PCSK2: variants seen among roughly 807,000 people sequenced by gnomAD.
The protein encoded by PCSK2 is proprotein convertase subtilisin/kexin type 2, also known as neuroendocrine convertase 2.
A neutral mutation model predicts 69.7 loss-of-function variants in PCSK2; 14 were observed. The ratio of observed to expected loss-of-function variants is 0.20; its 90% CI spans 0.13 to 0.31. PCSK2 has a LOEUF of 0.31. Ranked by LOEUF, PCSK2 falls within the 10% of genes least tolerant of loss-of-function variation. The probability of loss-of-function intolerance (pLI) is 1.00; values close to 1 mark genes in which losing one functional copy is unlikely to be tolerated. For missense variants in PCSK2, 544 were observed against 842.5 expected (o/e 0.65, Z 4.39); for synonymous variants, 307 against 320.7 (o/e 0.96, Z 0.46).
intron 3 of PCSK2, 41 bp from the exon 4 acceptor site, chr20:17,360,491 C>G: frequency 3.9e-6 from 5 of 1,285,060 alleles, no homozygotes; most frequent in Non-Finnish European, 5.6e-6. Context: ...CTTTACAACA[C>G]CAAACTAATA....
intron 6 of PCSK2, among the ~76,000 whole-genome samples, chr20:17,422,606 A>G (rs1288619214): frequency 6.6e-6 from 1 of 152,034 alleles, no homozygotes; most frequent in East Asian, 1.9e-4. Flanking sequence ...AGAAGAAGAC[A>G]AGTAAGGAGG....
intron 6 of PCSK2, among the ~76,000 whole-genome samples, chr20:17,415,428 C>T (rs1388772520): frequency 6.6e-6 from 1 of 152,192 alleles, no homozygotes; most frequent in African/African-American, 2.4e-5. Context: ...AGTGAACTCC[C>T]ATTCACAATT....
chr20:17,249,338 G>C (rs1204718106), intron 1 of PCSK2, among the ~76,000 whole-genome samples: 2 of 151,478 alleles, frequency 1.3e-5, no homozygotes, highest in Admixed American at 6.6e-5. Flanking sequence ...AACCCCGTCT[G>C]TACTAAAAAT....
Position 17,310,804 on chromosome 20 carries a change from A to G in PCSK2, c.283-47523A>G, listed in dbSNP as rs184565258. ...CGGGAGTTCAAGACCAGTCTGGCCA[A>G]GATGGTGAAACCCCGTCTCTACTAA... On this transcript the variant is annotated intron_variant, in intron 2 of 11. Transcript: ENST00000262545. Among the ~76,000 whole-genome samples, 820 of 151,830 alleles carry G rather than the reference A, an allele frequency of 5.4e-3. 12 individuals are homozygous for G. Among genetic ancestry groups the G allele is most frequent in the Admixed American group, 6.8e-3 (103 of 15,206 alleles).
chr20:17,385,222 T>A (rs2031204208), intron 5 of PCSK2, among the ~76,000 whole-genome samples: 1 of 152,166 alleles, frequency 6.6e-6, no homozygotes, highest in African/African-American at 2.4e-5. Flanking sequence ...CCTGGTCTAA[T>A]CAGTTGTGTG....
At chr20:17,303,519 ATAATATATAT>A (rs1989211271) in intron 2 of PCSK2, among the ~76,000 whole-genome samples, 4 of 53,402 alleles carry the variant, frequency 7.5e-5, no homozygotes, top group Non-Finnish European at 1.3e-4. Flanking sequence ...TATATATAAT[ATAATATATAT>A]TATATTATAT....
At chr20:17,333,722 G>C (rs1005714940) in intron 2 of PCSK2, among the ~76,000 whole-genome samples, 3 of 151,818 alleles carry the variant, frequency 2.0e-5, no homozygotes, top group Non-Finnish European at 2.9e-5. Flanking sequence ...TTCAAATTCT[G>C]CCTCATCCAC....
chr20:17,377,433 G>T (rs1371231723), intron 5 of PCSK2, among the ~76,000 whole-genome samples: 1 of 152,222 alleles, frequency 6.6e-6, no homozygotes, highest in Non-Finnish European at 1.5e-5. Context: ...ACAGAAGTGT[G>T]CACATTGGGC....
At chr20:17,353,178 A>G (rs2123199655) in intron 2 of PCSK2, among the ~76,000 whole-genome samples, 1 of 152,118 alleles carries the variant, frequency 6.6e-6, no homozygotes, top group East Asian at 1.9e-4. Context: ...AAGTCAAAAA[A>G]TAGGCTGGAT....
chr20:17,387,794 G>A (rs1254933952), intron 5 of PCSK2, among the ~76,000 whole-genome samples: 1 of 152,162 alleles, frequency 6.6e-6, no homozygotes, highest in African/African-American at 2.4e-5. Context: ...GCTGAATAGA[G>A]CAGACATAGT....
intron 2 of PCSK2, among the ~76,000 whole-genome samples, chr20:17,273,062 T>C (rs895664167): frequency 2.0e-5 from 3 of 152,096 alleles, no homozygotes; most frequent in Non-Finnish European, 4.4e-5. Flanking sequence ...AGAGCCAAAA[T>C]CAATGGGTAA....
At chr20:17,295,424 T>G (rs1342102730) in intron 2 of PCSK2, among the ~76,000 whole-genome samples, 21 of 151,950 alleles carry the variant, frequency 1.4e-4, no homozygotes, top group Non-Finnish European at 5.9e-5. Flanking sequence ...GGTCTCCTAT[T>G]TCAAGTTGCT....
intron 2 of PCSK2, among the ~76,000 whole-genome samples, chr20:17,299,353 A>T (rs1398614436): frequency 6.6e-6 from 1 of 152,050 alleles, no homozygotes; most frequent in Non-Finnish European, 1.5e-5. Context: ...TCTGCAGTTT[A>T]TGTCTTGTTT....
chr20:17,447,499 G>A (rs746834552), intron 8 of PCSK2, among the ~76,000 whole-genome samples: 15 of 152,194 alleles, frequency 9.9e-5, no homozygotes, highest in East Asian at 5.8e-4. Context: ...AAATTATGAC[G>A]CATATGAGCT....
chr20:17,404,300 T>A (rs1177994757), intron 5 of PCSK2, among the ~76,000 whole-genome samples: 1 of 152,204 alleles, frequency 6.6e-6, no homozygotes, highest in Non-Finnish European at 1.5e-5. Context: ...TCAGTGGATG[T>A]CCATATTAAA....
chr20:17,246,616 T>A (rs145083961), intron 1 of PCSK2, among the ~76,000 whole-genome samples: 1 of 152,256 alleles, frequency 6.6e-6, no homozygotes, highest in East Asian at 1.9e-4. Flanking sequence ...AATGCCTGAA[T>A]GAATGGTGCC....
At chr20:17,433,729 A>G (rs181010235) in intron 7 of PCSK2, among the ~76,000 whole-genome samples, 38 of 151,810 alleles carry the variant, frequency 2.5e-4, no homozygotes, top group Non-Finnish European at 4.6e-4. Context: ...TGCCCATCAA[A>G]TACACATATC....
At chr20:17,401,914 A>G (rs1041343977) in intron 5 of PCSK2, among the ~76,000 whole-genome samples, 4 of 152,206 alleles carry the variant, frequency 2.6e-5, no homozygotes, top group Admixed American at 1.3e-4. Context: ...CCTCATTCCA[A>G]TGAATGGCAG....
intron 1 of PCSK2, among the ~76,000 whole-genome samples, chr20:17,253,360 CT>C (rs1987062887): frequency 6.6e-6 from 1 of 152,124 alleles, no homozygotes; most frequent in African/African-American, 2.4e-5. Flanking sequence ...AACAATCACT[CT>C]TCATTTCTGT....
Sources: allele counts gnomAD v4.1 joint callset (sites outside exome capture counted in the v4.1 genomes callset), GRCh38; gene constraint gnomAD v4.1.1; transcripts MANE v1.5; gene names NCBI Gene and HGNC (gene_info 2026-07-23, HGNC 2026-07-21).